Variants in ZNF365 observed in about 807,000 individuals in gnomAD.
ZNF365 encodes the protein protein ZNF365.
In ZNF365, 22 loss-of-function variants were observed where a neutral mutation model predicts 35.0. The observed-to-expected ratio is 0.63, with a 90% CI of 0.45 to 0.90. The LOEUF is 0.90. ZNF365 is among the 40% of genes least tolerant of loss of function. ZNF365 has a pLI of 0.00. For missense variants in ZNF365, 448 were observed against 500.3 expected (o/e 0.90, Z 1.00); for synonymous variants, 188 against 196.2 (o/e 0.96, Z 0.35).
chr10:62,438,298 C>T (rs1218932043), intron 3 of ZNF365, among the ~76,000 whole-genome samples: 1 of 151,882 alleles, frequency 6.6e-6, no homozygotes, highest in Admixed American at 6.6e-5. Flanking sequence ...AAGCGATTCT[C>T]GTGCCTCAGC....
At chr10:62,438,281 C>G (rs1263145708) in intron 3 of ZNF365, among the ~76,000 whole-genome samples, 1 of 151,928 alleles carries the variant, frequency 6.6e-6, no homozygotes, top group African/African-American at 2.4e-5. Flanking sequence ...CTCCGCCTCC[C>G]AGGCTCAAGC....
At chr10:62,391,645 T>A (rs1839631558) in intron 3 of ZNF365, among the ~76,000 whole-genome samples, 1 of 152,372 alleles carries the variant, frequency 6.6e-6, no homozygotes, top group East Asian at 1.9e-4. Flanking sequence ...CACTCGTTGA[T>A]TAATGGGCAT....
intron 4 of ZNF365, among the ~76,000 whole-genome samples, chr10:62,471,351 G>A (rs7896713): frequency 0.059 from 8,298 of 139,854 alleles, 289 homozygotes; most frequent in African/African-American, 0.098. Context: ...GGGCGACAGA[G>A]CAAGACTCTG....
chr10:62,435,617 C>T (rs1434803645), intron 3 of ZNF365, among the ~76,000 whole-genome samples: 1 of 152,076 alleles, frequency 6.6e-6, no homozygotes, highest in Non-Finnish European at 1.5e-5. Flanking sequence ...ATGGCTTGTT[C>T]CCAATCAAGG....
intron 3 of ZNF365, among the ~76,000 whole-genome samples, chr10:62,431,068 G>GTCAAATGCT (rs1387765474): frequency 2.6e-5 from 4 of 152,202 alleles, no homozygotes; most frequent in Non-Finnish European, 5.9e-5. Flanking sequence ...GTTGGTAAAA[G>GTCAAATGCT]TCAAATGCTT....
At chr10:62,456,446 C>T (rs377103412) in intron 3 of ZNF365, among the ~76,000 whole-genome samples, 4 of 152,210 alleles carry the variant, frequency 2.6e-5, no homozygotes, top group African/African-American at 9.6e-5. Flanking sequence ...CCCCTCTCTT[C>T]TCATTTTTAT....
At chr10:62,414,869 T>A (rs1420217031) in intron 3 of ZNF365, among the ~76,000 whole-genome samples, 1 of 152,026 alleles carries the variant, frequency 6.6e-6, no homozygotes, top group Non-Finnish European at 1.5e-5. Flanking sequence ...TTTCTGGTGC[T>A]TTTTCTATAT....
chr10:62,402,040 C>T lies in ZNF365; in HGVS notation c.*2251C>T. Reference sequence around the variant, plus strand: ...GGGAGATGGCTTACTCAGAAGCATACTCCACTTAACATACCATGGCCTGAG... The same window carrying T: ...GGGAGATGGCTTACTCAGAAGCATATTCCACTTAACATACCATGGCCTGAG... On this transcript the variant is annotated 3_prime_UTR_variant, in exon 5 of 5. Transcript: ENST00000395254. 1 of 985,672 alleles carries T rather than the reference C, an allele frequency of 1.0e-6. No individual in the cohort carries two copies. Among genetic ancestry groups the T allele is most frequent in the Non-Finnish European group, 1.2e-6 (1 of 829,904 alleles). 61.1% of individuals were successfully genotyped at this position (985,672 alleles called of 1,614,324 possible). A position where few individuals can be genotyped will look rare whatever the true frequency, so the allele number is the denominator to read the frequency against.
chr10:62,443,771 G>A (rs539946849), intron 3 of ZNF365, among the ~76,000 whole-genome samples: 10 of 152,128 alleles, frequency 6.6e-5, no homozygotes, highest in Non-Finnish European at 1.5e-4. Flanking sequence ...TTGGTAAATT[G>A]AGAATAAGTG....
In ZNF365 at chr10:62,376,499, C is replaced by G; in HGVS notation, c.306C>G (p.Tyr102Ter). Residue 102 changes from tyrosine (Y) to a stop codon, truncating the protein, a stop_gained, in exon 2 of 5, where the codon TAC (tyrosine) becomes TAG (stop). Transcript: ENST00000395254. LOFTEE classifies it high-confidence loss of function. ...AGAAACCGAGCTATGTTAACTTGTA[C>G]AGCATTTCACATGAACATTCCAAGG... ...VKQKPSYVNL[Y>*]SISHEHSKDR... is the part of the protein sequence containing the mutation. 6.2e-7 allele frequency: 1 copy of G among 1,614,112 alleles called. No individual in the cohort carries two copies. Among genetic ancestry groups the G allele is most frequent in the Non-Finnish European group, 8.5e-7 (1 of 1,180,036 alleles).
In ZNF365 at chr10:62,387,612, A is replaced by T. The variant is rs371225148; in HGVS notation, c.744-784A>T. On this transcript the variant is annotated intron_variant, in intron 2 of 4. Coordinates refer to ENST00000395254, the MANE Select transcript of ZNF365 (RefSeq NM_014951.3). ...AGTATTTTGCTCAGCTTCTTAGGGG[A>T]GGGCAACCCATGCATTGCTTCTCTT... Among the ~76,000 whole-genome samples, 5 of 151,994 alleles carry T rather than the reference A, an allele frequency of 3.3e-5. No individual in the cohort carries two copies. The East Asian group carries it at 7.7e-4, about 23-fold the overall frequency.
At chr10:62,469,131 T>C (rs1044803586) in intron 4 of ZNF365, among the ~76,000 whole-genome samples, 2 of 152,226 alleles carry the variant, frequency 1.3e-5, no homozygotes, top group African/African-American at 4.8e-5. Context: ...ATTTTGCTGT[T>C]GACTTTTGGG....
rs538254083 is a variant in ZNF365 at position 62,407,837 on chromosome 10, C to T, written c.924+19261C>T. Among the ~76,000 whole-genome samples, 10 of 152,268 alleles carry T rather than the reference C, an allele frequency of 6.6e-5. No homozygotes were observed. The South Asian group carries it at 1.9e-3, about 28-fold the overall frequency. ...TTGCTAATTGGCCAGGGTTATCTTT[C>T]CTGATGAACACAGACATAGCCTCAG... On this transcript the variant is annotated intron_variant, in intron 3 of 4. Transcript: ENST00000395255.
intron 3 of ZNF365, among the ~76,000 whole-genome samples, chr10:62,412,726 C>T (rs1206380906): frequency 6.6e-6 from 1 of 152,074 alleles, no homozygotes; most frequent in South Asian, 2.1e-4. Flanking sequence ...AAGTGAAGGA[C>T]CTCTTCAAGG....
At position 62,386,265 on chromosome 10, in the gene ZNF365, G is replaced by A. The variant is rs551172165; in HGVS notation, c.744-2131G>A. Among the ~76,000 whole-genome samples, 3 of 152,288 alleles carry A rather than the reference G, an allele frequency of 2.0e-5. No homozygotes were observed. The East Asian group carries it at 5.8e-4, about 29-fold the overall frequency. On this transcript the variant is annotated intron_variant, in intron 2 of 4. Coordinates refer to ENST00000395254, the MANE Select transcript of ZNF365 (RefSeq NM_014951.3). Reference sequence around the variant, plus strand: ...GCTTAAAAATTGGCTTGTGTTCATGGCCTGAATAATGAAGACCTTGAAAAG... The same window carrying A: ...GCTTAAAAATTGGCTTGTGTTCATGACCTGAATAATGAAGACCTTGAAAAG...
At chr10:62,436,051 C>T (rs1422852342) in intron 3 of ZNF365, among the ~76,000 whole-genome samples, 1 of 152,016 alleles carries the variant, frequency 6.6e-6, no homozygotes, top group African/African-American at 2.4e-5. Flanking sequence ...TTTGTAATAC[C>T]GTAATACTTT....
At chr10:62,444,035 A>C (rs1004006254) in intron 3 of ZNF365, among the ~76,000 whole-genome samples, 6 of 152,338 alleles carry the variant, frequency 3.9e-5, no homozygotes, top group African/African-American at 1.4e-4. Context: ...GATATTATCA[A>C]GGATTAGGCA....
At chr10:62,397,338 T>G (rs1839746195) in intron 3 of ZNF365, among the ~76,000 whole-genome samples, 1 of 152,186 alleles carries the variant, frequency 6.6e-6, no homozygotes, top group South Asian at 2.1e-4. Context: ...GCAGTGATCC[T>G]GTTAGGCTGA....
At chr10:62,466,516 G>T (rs562306985) in intron 4 of ZNF365, among the ~76,000 whole-genome samples, 1 of 152,268 alleles carries the variant, frequency 6.6e-6, no homozygotes, top group African/African-American at 2.4e-5. Context: ...CTGTGTGGGT[G>T]AGACAAGCCC....
Sources: gnomAD v4.1 joint callset for allele counts (sites outside exome capture counted in the v4.1 genomes callset) on GRCh38, gnomAD v4.1.1 for gene constraint, MANE v1.5 for transcripts, NCBI Gene and HGNC (gene_info 2026-07-23, HGNC 2026-07-21) for gene names.